The following BAZ2B variants were observed in gnomAD, a reference collection of about 807,000 sequenced individuals.
The protein encoded by BAZ2B is bromodomain adjacent to zinc finger domain protein 2B.
A neutral mutation model predicts 246.0 loss-of-function variants in BAZ2B; 91 were observed. The observed-to-expected ratio is 0.37, with a 90% confidence interval of 0.31 to 0.44. The LOEUF is 0.44. BAZ2B is among the 20% of genes least tolerant of loss of function. The probability of loss-of-function intolerance (pLI) is 1.00; values close to 1 mark genes in which losing one functional copy is unlikely to be tolerated. For missense variants in BAZ2B, 2,332 were observed against 2,533.7 expected (o/e 0.92, Z 1.71); for synonymous variants, 855 against 860.0 (o/e 0.99, Z 0.10).
At position 159,348,998 on chromosome 2, in the gene BAZ2B, T is replaced by C. The variant is rs2058277752; in HGVS notation, c.5137+9A>G. 6.2e-7 allele frequency: 1 copy of C among 1,612,876 alleles called. No individual in the cohort carries two copies. The highest frequency in any genetic ancestry group is 1.7e-5 in the Admixed American group (1 of 59,944). ...AGTAAGTGGCTGTAAACCATCTCAA[T>C]GTACCTACCTTCTGGAATAGGTTTT... On this transcript the variant is annotated intron_variant, in intron 29 of 36. Coordinates refer to ENST00000392783, the MANE Select transcript of BAZ2B (RefSeq NM_013450.4).
At chr2:159,521,772 A>G (rs908109795) in intron 2 of BAZ2B, among the ~76,000 whole-genome samples, 1 of 152,202 alleles carries the variant, frequency 6.6e-6, no homozygotes, top group South Asian at 2.1e-4. Flanking sequence ...GAAAAAAGAA[A>G]TCAATGGATG....
At chr2:159,634,775 A>C in the BAZ2B span, among the ~76,000 whole-genome samples, 1 of 152,234 alleles carries the variant, frequency 6.6e-6, no homozygotes. Flanking sequence ...CTGTTTTACC[A>C]GTAATGTTTA....
chr2:159,513,305 T>C (rs1353138675), intron 2 of BAZ2B, among the ~76,000 whole-genome samples: 4 of 152,230 alleles, frequency 2.6e-5, no homozygotes, highest in African/African-American at 9.6e-5. Flanking sequence ...TTAGTAAATA[T>C]GTAAAGTAGA....
chr2:159,451,948 ACTAT>A (rs1005055401), intron 4 of BAZ2B, among the ~76,000 whole-genome samples: 10 of 152,282 alleles, frequency 6.6e-5, no homozygotes, highest in African/African-American at 1.9e-4. Flanking sequence ...TTAAGATATC[ACTAT>A]CTATATTGTT....
chr2:159,328,753 T>A (rs2064162800), intron 34 of BAZ2B, among the ~76,000 whole-genome samples: 2 of 152,166 alleles, frequency 1.3e-5, no homozygotes, highest in Non-Finnish European at 2.9e-5. Flanking sequence ...TGTGTGTGTA[T>A]CTAAGAGTGT....
intron 14 of BAZ2B, among the ~76,000 whole-genome samples, chr2:159,406,367 C>G (rs1299932769): frequency 6.6e-6 from 1 of 152,202 alleles, no homozygotes; most frequent in Non-Finnish European, 1.5e-5. Flanking sequence ...ATAAGCAAAG[C>G]TGCTTAGCTA....
intron 2 of BAZ2B, among the ~76,000 whole-genome samples, chr2:159,484,904 T>C (rs910035309): frequency 1.1e-4 from 17 of 152,250 alleles, no homozygotes; most frequent in African/African-American, 4.1e-4. Flanking sequence ...TTAGATATTT[T>C]TCCTGAAAGG....
At chr2:159,532,252 C>CA (rs1432294216) in intron 2 of BAZ2B, among the ~76,000 whole-genome samples, 1 of 152,016 alleles carries the variant, frequency 6.6e-6, no homozygotes, top group Non-Finnish European at 1.5e-5. Flanking sequence ...GAGAATTTTT[C>CA]AATTATATTT....
At chr2:159,402,207 G>T (rs1250401686) in intron 16 of BAZ2B, among the ~76,000 whole-genome samples, 1 of 152,062 alleles carries the variant, frequency 6.6e-6, no homozygotes, top group Non-Finnish European at 1.5e-5. Context: ...TAGCACTCTG[G>T]GAGGCCGAGG....
At chr2:159,342,492 C>T (rs1397200119) in intron 31 of BAZ2B, among the ~76,000 whole-genome samples, 1 of 152,032 alleles carries the variant, frequency 6.6e-6, no homozygotes, top group African/African-American at 2.4e-5. Context: ...TGCCATGTTC[C>T]CCAGGCTGGT....
intron 33 of BAZ2B, among the ~76,000 whole-genome samples, chr2:159,335,429 C>T (rs574277523): frequency 1.1e-4 from 16 of 151,782 alleles, no homozygotes; most frequent in Middle Eastern, 3.4e-3. Context: ...CGCCTGTAAT[C>T]CCAGCTACTC....
At chr2:159,402,937 T>A (rs2065315019) in intron 16 of BAZ2B, among the ~76,000 whole-genome samples, 1 of 152,220 alleles carries the variant, frequency 6.6e-6, no homozygotes, top group African/African-American at 2.4e-5. Context: ...TTATCTTCTT[T>A]TTACATAAGA....
chr2:159,412,502 C>A lies in BAZ2B; in HGVS notation c.2510G>T (p.Arg837Leu), dbSNP rs767324069. 4.3e-6 allele frequency: 7 copies of A among 1,613,880 alleles called. No individual in the cohort carries two copies. The highest frequency in any genetic ancestry group is 4.0e-5 in the African/African-American group (3 of 74,916). The change falls in exon 14 of 37, where the codon CGT becomes CTT. Residue 837 changes from arginine to leucine, a missense_variant. By Grantham distance (102) the Arg-to-Leu change is moderately radical (BLOSUM62 -2). This residue lies in a region of BAZ2B where 651 missense variants were observed against 650.9 expected (regional missense o/e 1.00). Transcript: ENST00000392783. Reference sequence around the variant, plus strand: ...TCTACGACCTTCCATTGCCCTGATACGAGGAATGACATCCTCTTCTTTCAA... The same window carrying A: ...TCTACGACCTTCCATTGCCCTGATAAGAGGAATGACATCCTCTTCTTTCAA... Reference protein sequence around the residue: ...CLLKEEDVIPRIRAMEGRRGR... With the variant: ...CLLKEEDVIPLIRAMEGRRGR...
chr2:159,316,078 T>C (rs1320996636), downstream of BAZ2B, among the ~76,000 whole-genome samples: 1 of 152,114 alleles, frequency 6.6e-6, no homozygotes, highest in African/African-American at 2.4e-5. Flanking sequence ...AAGAAACATA[T>C]TGCTAAATAA....
At chr2:159,677,705 T>C in the BAZ2B span, among the ~76,000 whole-genome samples, 16 of 152,324 alleles carry the variant, frequency 1.1e-4, no homozygotes, top group Admixed American at 6.5e-5. Flanking sequence ...TTTCACAATA[T>C]GCTATTTGAG....
rs746086944 is a variant in BAZ2B at position 159,453,748 on chromosome 2, T to A, written c.199A>T (p.Ser67Cys). The change falls in exon 4 of 37, where the codon AGT becomes TGT. Residue 67 changes from serine (S) to cysteine (C), a missense_variant. By Grantham distance (112) the Ser-to-Cys change is moderately radical. Coordinates refer to ENST00000392783, the MANE Select transcript of BAZ2B (RefSeq NM_013450.4). ...GGGTGGCTGACCATTGGGAAGGCAC[T>A]CGACACTGTGGACAGGTTAAACGGT... Reference protein sequence around the residue: ...DQPFNLSTVSSAFPMVSHPVF... With the variant: ...DQPFNLSTVSCAFPMVSHPVF... 6.2e-7 allele frequency: 1 copy of A among 1,613,334 alleles called. No individual in the cohort carries two copies. Among genetic ancestry groups the A allele is most frequent in the Non-Finnish European group, 8.5e-7 (1 of 1,179,702 alleles).
Position 159,542,684 on chromosome 2 carries a change from A to T in BAZ2B, c.-3+13139T>A, listed in dbSNP as rs752108113. On this transcript the variant is annotated intron_variant, in intron 2 of 36. Transcript: ENST00000392783. ...GAAGTATGAGTAAGATTAACAGCTG[A>T]TTTGTCATCTGAAAGCATAAAGGCA... 8.9e-4 allele frequency among the ~76,000 whole-genome samples: 135 copies of T among 152,184 alleles called. No homozygotes were observed. In the Middle Eastern group the frequency reaches 0.014, roughly 15 times the overall value.
the BAZ2B span, among the ~76,000 whole-genome samples, chr2:159,629,430 C>T: frequency 5.9e-5 from 9 of 152,230 alleles, no homozygotes; most frequent in African/African-American, 2.2e-4. Flanking sequence ...GACCCAAATG[C>T]CCATCAATGA....
the BAZ2B span, among the ~76,000 whole-genome samples, chr2:159,669,118 T>C: frequency 7.2e-5 from 11 of 152,236 alleles, no homozygotes; most frequent in Admixed American, 5.9e-4. Context: ...AAGCACTGCT[T>C]TATCTACATT....
Sources: gnomAD v4.1 joint callset for allele counts (sites outside exome capture counted in the v4.1 genomes callset) on GRCh38, gnomAD v4.1.1 for gene constraint, gnomAD v4.1.1 regional missense constraint, MANE v1.5 for transcripts, NCBI Gene and HGNC (gene_info 2026-07-23, HGNC 2026-07-21) for gene names.